The following ERC1 variants were observed in gnomAD, a reference collection of about 807,000 sequenced individuals.
ERC1 encodes RAB6 interacting protein 2.
In ERC1, 56 loss-of-function variants were observed where a neutral mutation model predicts 132.0. The observed-to-expected ratio is 0.42, with a 90% CI of 0.34 to 0.53. The LOEUF (loss-of-function observed/expected upper bound fraction) is 0.53. Ranked by LOEUF, ERC1 falls within the 20% of genes least tolerant of loss-of-function variation. The pLI, the probability that ERC1 is intolerant of heterozygous loss-of-function variation, is 0.03. For missense variants in ERC1, 1,202 were observed against 1,349.9 expected, an observed-to-expected ratio of 0.89 and a Z score of 1.72; for synonymous variants, 478 against 476.1, an observed-to-expected ratio of 1.00 and a Z score of -0.05.
intron 17 of ERC1, among the ~76,000 whole-genome samples, chr12:1,413,374 G>T (rs1439949788): frequency 1.3e-5 from 2 of 152,044 alleles, no homozygotes; most frequent in African/African-American, 2.4e-5. Flanking sequence ...CAGGCAGATT[G>T]GTTGAAGCCA....
chr12:1,494,278 C>G lies in ERC1; in HGVS notation c.*4048C>G, dbSNP rs1279711766. The G allele has an allele frequency of 8.6e-6, 2 of 232,050 alleles. No individual in the cohort carries two copies. The highest frequency in any genetic ancestry group is 4.4e-5 in the African/African-American group (2 of 45,276). 14.4% of individuals were successfully genotyped at this position (232,050 alleles called of 1,614,324 possible). ...GGCACCCTCTGCAGAGTGAGGCCGCCCGTCCATCACTGCCAGCCCTGGGCT... is the reference window on the plus strand; with the variant it reads ...GGCACCCTCTGCAGAGTGAGGCCGCGCGTCCATCACTGCCAGCCCTGGGCT... On this transcript the variant is annotated 3_prime_UTR_variant, in exon 19 of 19. Coordinates refer to ENST00000360905, the MANE Select transcript of ERC1 (RefSeq NM_178040.4).
At chr12:1,013,462 A>T (rs1965018048) in intron 1 of ERC1, among the ~76,000 whole-genome samples, 1 of 152,090 alleles carries the variant, frequency 6.6e-6, no homozygotes, top group African/African-American at 2.4e-5. Context: ...ATAGTAACTG[A>T]CAAGTGTTAA....
At chr12:1,182,134 C>A in intron 10 of ERC1, 69 bp downstream of exon 10, 2 of 1,409,178 alleles carry the variant, frequency 1.4e-6, no homozygotes, top group South Asian at 1.4e-5. Flanking sequence ...TTGGTGTTTA[C>A]ATAATGCATA....
intron 8 of ERC1, among the ~76,000 whole-genome samples, chr12:1,147,420 A>G (rs931380441): frequency 6.6e-6 from 1 of 152,212 alleles, no homozygotes; most frequent in African/African-American, 2.4e-5. Context: ...ATCTTTCAAT[A>G]GTAATATTTT....
intron 18 of ERC1, among the ~76,000 whole-genome samples, chr12:1,465,149 T>A (rs1239850435): frequency 1.3e-5 from 2 of 152,124 alleles, no homozygotes; most frequent in African/African-American, 4.8e-5. Context: ...TCATCGCCAG[T>A]GTCATCTTCC....
chr12:1,095,782 G>A (rs1377618872), intron 3 of ERC1, among the ~76,000 whole-genome samples: 1 of 152,192 alleles, frequency 6.6e-6, no homozygotes, highest in Non-Finnish European at 1.5e-5. Context: ...TCACTGACTG[G>A]AAGATGTGTT....
At chr12:1,355,728 C>G (rs1183361198) in intron 15 of ERC1, among the ~76,000 whole-genome samples, 5 of 152,172 alleles carry the variant, frequency 3.3e-5, no homozygotes, top group Admixed American at 3.3e-4. Flanking sequence ...TGGTCACAGA[C>G]AGAATGGTAT....
chr12:1,110,065 T>C, intron 4 of ERC1, 127 bp from the exon 5 acceptor site: 2 of 767,576 alleles, frequency 2.6e-6, no homozygotes, highest in Non-Finnish European at 4.0e-6. Flanking sequence ...AGGCACCAAT[T>C]GCCAGACAGC....
chr12:995,213 C>T (rs538572374), intron 1 of ERC1, among the ~76,000 whole-genome samples: 63 of 151,834 alleles, frequency 4.1e-4, no homozygotes, highest in Non-Finnish European at 2.1e-4. Context: ...GCTGTCATTC[C>T]GTCGTTGCAC....
chr12:1,025,796 T>G (rs1966855345), intron 1 of ERC1, among the ~76,000 whole-genome samples: 1 of 145,994 alleles, frequency 6.8e-6, no homozygotes, highest in Non-Finnish European at 1.5e-5. Context: ...AAAGGAAAGT[T>G]TTTTTTTTTT....
At chr12:1,000,472 C>T (rs559573455) in intron 1 of ERC1, among the ~76,000 whole-genome samples, 6 of 147,352 alleles carry the variant, frequency 4.1e-5, no homozygotes, top group Admixed American at 1.4e-4. Flanking sequence ...GATGACAGAG[C>T]GAGACCCTGT....
chr12:1,470,818 T>G (rs2093845539), intron 18 of ERC1, among the ~76,000 whole-genome samples: 1 of 152,150 alleles, frequency 6.6e-6, no homozygotes, highest in Admixed American at 6.5e-5. Flanking sequence ...ACTTCCAGAG[T>G]CCATCCGTCC....
At chr12:1,211,875 C>T (rs1476308091) in intron 12 of ERC1, among the ~76,000 whole-genome samples, 2 of 152,002 alleles carry the variant, frequency 1.3e-5, no homozygotes, top group Non-Finnish European at 1.5e-5. Flanking sequence ...CGGCCATAAT[C>T]AGTTCTATAC....
intron 14 of ERC1, among the ~76,000 whole-genome samples, chr12:1,279,697 A>AT (rs943704414): frequency 1.9e-4 from 25 of 134,782 alleles, no homozygotes; most frequent in East Asian, 1.0e-3. Context: ...TTATTTATTT[A>AT]TTTTTTTTTG....
chr12:1,056,177 A>G (rs1378808707), intron 2 of ERC1, among the ~76,000 whole-genome samples: 2 of 151,722 alleles, frequency 1.3e-5, no homozygotes, highest in East Asian at 1.9e-4. Flanking sequence ...AGGATTATTA[A>G]TTTTTCTTTT....
chr12:1,046,490 C>G (rs1303848016), intron 2 of ERC1, among the ~76,000 whole-genome samples: 2 of 152,088 alleles, frequency 1.3e-5, no homozygotes, highest in African/African-American at 4.8e-5. Context: ...TATTGGGACA[C>G]AGCTATGTTT....
chr12:1,237,742 T>C (rs2075518429), intron 13 of ERC1, among the ~76,000 whole-genome samples: 2 of 152,244 alleles, frequency 1.3e-5, no homozygotes, highest in Non-Finnish European at 2.9e-5. Flanking sequence ...TTGATCATAA[T>C]GCTTCAGAAT....
At chr12:1,276,738 T>C (rs921678757) in intron 14 of ERC1, among the ~76,000 whole-genome samples, 1 of 152,224 alleles carries the variant, frequency 6.6e-6, no homozygotes, top group African/African-American at 2.4e-5. Context: ...TGGTACACAA[T>C]GGCATTCAAT....
intron 1 of ERC1, among the ~76,000 whole-genome samples, chr12:995,917 CAAG>C (rs982562731): frequency 2.0e-5 from 3 of 152,032 alleles, no homozygotes; most frequent in Admixed American, 6.6e-5. Flanking sequence ...AGGAAGCTTT[CAAG>C]AAGGAGGGAA....
Sources: allele counts gnomAD v4.1 joint callset (sites outside exome capture counted in the v4.1 genomes callset), GRCh38; gene constraint gnomAD v4.1.1; transcripts MANE v1.5; gene names NCBI Gene and HGNC (gene_info 2026-07-23, HGNC 2026-07-21).